Variants in NLGN1 observed in about 807,000 individuals in gnomAD.
The protein encoded by NLGN1 is neuroligin 1, also known as neuroligin-1.
NLGN1 carries 12 observed loss-of-function variants against 65.5 expected under a neutral mutation model. The ratio of observed to expected loss-of-function variants is 0.18; its 90% CI spans 0.12 to 0.30. The LOEUF (loss-of-function observed/expected upper bound fraction) is 0.30, where lower values mean the gene tolerates loss of function less well. Ranked by LOEUF, NLGN1 falls within the 10% of genes least tolerant of loss-of-function variation. The pLI, the probability that NLGN1 is intolerant of heterozygous loss-of-function variation, is 1.00. For synonymous variants in NLGN1, 350 were observed against 359.5 expected (o/e 0.97, Z 0.30); for missense variants, 750 against 1,007.1 (o/e 0.74, Z 3.46).
rs772166688 is a variant in NLGN1 at position 173,496,004 on chromosome 3, C to CT, written c.-321+60935dup. ...TCTCTGTAATTGACAATTTTCAATT[C>CT]TTTTTTTTTATATTGCTAATTTCTC... is the stretch of plus-strand genomic sequence containing the variant. On this transcript the variant is annotated intron_variant, in intron 2 of 6. Coordinates refer to ENST00000457714, the Ensembl canonical transcript of NLGN1. 4.2e-4 allele frequency among the ~76,000 whole-genome samples: 63 copies of CT among 150,976 alleles called. 1 individual carries two copies. The highest frequency in any genetic ancestry group is 1.3e-3 in the African/African-American group (54 of 40,964).
intron 4 of NLGN1, among the ~76,000 whole-genome samples, chr3:174,015,616 A>G (rs563355310): frequency 6.6e-6 from 1 of 152,310 alleles, no homozygotes; most frequent in Non-Finnish European, 1.5e-5. Context: ...AAATATTTGA[A>G]TATTTAATCA....
chr3:173,675,744 T>C (rs958501280), intron 3 of NLGN1, among the ~76,000 whole-genome samples: 2 of 151,940 alleles, frequency 1.3e-5, no homozygotes, highest in Admixed American at 6.6e-5. Flanking sequence ...AGGATCTTTA[T>C]TGGTGATGGA....
intron 4 of NLGN1, among the ~76,000 whole-genome samples, chr3:174,128,195 A>G (rs2152664551): frequency 6.6e-6 from 1 of 152,296 alleles, no homozygotes. Context: ...CCCTAAAACA[A>G]AAGGTCTTTT....
In NLGN1 at chr3:174,279,276, T is replaced by A; in HGVS notation, c.1275T>A (p.Tyr425Ter). The change falls in exon 6 of 7, where the codon TAT becomes TAA. Residue 425 changes from tyrosine to a stop codon, truncating the protein, a stop_gained. Coordinates refer to ENST00000457714, the Ensembl canonical transcript of NLGN1. LOFTEE classifies it high-confidence loss of function. This position sits in a 1 kb window ranked among gnomAD's most constrained non-coding sequence, Gnocchi z 4.7. ...ATTTTGTTGATAATTTATATGGATATCCTGAAGGCAAAGATGTTTTGAGAG... is the reference window on the plus strand; with the variant it reads ...ATTTTGTTGATAATTTATATGGATAACCTGAAGGCAAAGATGTTTTGAGAG... 1 of 1,613,354 alleles carries A rather than the reference T, an allele frequency of 6.2e-7. No individual in the cohort carries two copies. Among genetic ancestry groups the A allele is most frequent in the African/African-American group, 1.3e-5 (1 of 74,958 alleles).
At chr3:173,929,696 CTTTTTTTCTTTT>C (rs759562064) in intron 4 of NLGN1, among the ~76,000 whole-genome samples, 16 of 139,416 alleles carry the variant, frequency 1.1e-4, no homozygotes, top group African/African-American at 3.4e-4. Context: ...TTCTTTTTTT[CTTTTTTTCTTTT>C]TTTTTTTCTT....
intron 4 of NLGN1, among the ~76,000 whole-genome samples, chr3:174,025,299 C>T (rs552154791): frequency 1.3e-5 from 2 of 152,170 alleles, no homozygotes; most frequent in African/African-American, 2.4e-5. Context: ...AAAAGTATGA[C>T]TTAAACATGA....
At chr3:173,495,911 G>T (rs1729953243) in intron 2 of NLGN1, among the ~76,000 whole-genome samples, 1 of 151,668 alleles carries the variant, frequency 6.6e-6, no homozygotes, top group Admixed American at 6.6e-5. Context: ...CATAGAGTTT[G>T]TATACTTTTG....
chr3:173,851,169 T>C (rs1313230790), intron 4 of NLGN1, among the ~76,000 whole-genome samples: 1 of 152,184 alleles, frequency 6.6e-6, no homozygotes, highest in African/African-American at 2.4e-5. Context: ...TCCATTTTCC[T>C]CGAAGTTTGC....
intron 4 of NLGN1, among the ~76,000 whole-genome samples, chr3:174,029,016 C>T (rs1357745139): frequency 1.3e-5 from 2 of 152,116 alleles, no homozygotes; most frequent in African/African-American, 4.8e-5. Flanking sequence ...AAGTCTGCTA[C>T]AGGGGTGAAG....
chr3:174,081,386 C>T (rs868448583), intron 4 of NLGN1, among the ~76,000 whole-genome samples: 1 of 152,058 alleles, frequency 6.6e-6, no homozygotes, highest in Admixed American at 6.5e-5. Context: ...AAGATCAAGG[C>T]ACCCGAAAAT....
intron 2 of NLGN1, among the ~76,000 whole-genome samples, chr3:173,481,782 T>A (rs1469550687): frequency 2.0e-5 from 3 of 151,928 alleles, no homozygotes; most frequent in Non-Finnish European, 2.9e-5. Flanking sequence ...AGGAATATTA[T>A]TATTCCAGTT....
intron 4 of NLGN1, among the ~76,000 whole-genome samples, chr3:174,244,804 G>A (rs981689276): frequency 5.3e-5 from 8 of 152,098 alleles, no homozygotes; most frequent in African/African-American, 1.4e-4. Context: ...TCCAGAGGCC[G>A]CCTTTGAGTT....
chr3:174,272,911 A>G (rs1459233315), intron 4 of NLGN1, among the ~76,000 whole-genome samples: 3 of 151,540 alleles, frequency 2.0e-5, no homozygotes. Context: ...ACATTTTTGA[A>G]CTGAATTTAT....
chr3:174,255,310 CT>C (rs1745482007), intron 4 of NLGN1, among the ~76,000 whole-genome samples: 1 of 151,630 alleles, frequency 6.6e-6, no homozygotes, highest in Admixed American at 6.6e-5. Context: ...TGGCGGGCAC[CT>C]TGTAGTCCCA....
intron 4 of NLGN1, among the ~76,000 whole-genome samples, chr3:174,264,043 C>T (rs1171492747): frequency 8.0e-5 from 12 of 150,230 alleles, no homozygotes; most frequent in East Asian, 2.0e-4. Flanking sequence ...GGGTTTCTGC[C>T]GAGAGATCCG....
At chr3:174,047,271 T>C (rs918331796) in intron 4 of NLGN1, among the ~76,000 whole-genome samples, 19 of 151,962 alleles carry the variant, frequency 1.3e-4, no homozygotes, top group African/African-American at 4.3e-4. Context: ...TTTCCACAAG[T>C]TAGTGAAAAG....
intron 4 of NLGN1, among the ~76,000 whole-genome samples, chr3:174,250,838 G>C (rs1360363933): frequency 6.6e-6 from 1 of 152,092 alleles, no homozygotes; most frequent in Non-Finnish European, 1.5e-5. Context: ...AGCCTTGCTT[G>C]TTCCTTTGAG....
chr3:173,630,480 A>G (rs928302101), intron 3 of NLGN1, among the ~76,000 whole-genome samples: 1 of 152,126 alleles, frequency 6.6e-6, no homozygotes, highest in Non-Finnish European at 1.5e-5. Flanking sequence ...TAAAATATGC[A>G]TGGATGGCAG....
chr3:173,459,021 T>C (rs1304433598), intron 2 of NLGN1, among the ~76,000 whole-genome samples: 1 of 152,016 alleles, frequency 6.6e-6, no homozygotes, highest in Admixed American at 6.6e-5. Flanking sequence ...ACAGAGAGCC[T>C]GAAAGAGCAA....
Sources: gnomAD v4.1 joint callset for allele counts (sites outside exome capture counted in the v4.1 genomes callset) on GRCh38, gnomAD v4.1.1 for gene constraint, Gnocchi (gnomAD v3.1) non-coding constraint, MANE v1.5 for transcripts, NCBI Gene and HGNC (gene_info 2026-07-23, HGNC 2026-07-21) for gene names.